The following DIAPH2 variants were observed in gnomAD, a reference collection of about 807,000 sequenced individuals.
The protein encoded by DIAPH2 is protein diaphanous homolog 2.
DIAPH2 carries 35 observed loss-of-function variants against 92.7 expected under a neutral mutation model. That is an observed-to-expected ratio of 0.38 (90% CI 0.29 to 0.50). The LOEUF is 0.50. Among genes scored for constraint, DIAPH2 ranks in the 20% least tolerant of loss-of-function variants. DIAPH2 has a pLI of 0.94. For synonymous variants in DIAPH2, 301 were observed against 280.4 expected (o/e 1.07, Z -0.73); for missense variants, 701 against 819.5 (o/e 0.86, Z 1.77).
intron 4 of DIAPH2, among the ~76,000 whole-genome samples, chrX:96,870,759 G>A (rs1302386142): frequency 9.0e-6 from 1 of 111,671 alleles, no homozygotes; most frequent in Non-Finnish European, 1.9e-5. Context: ...GAAGGCTAGC[G>A]TTTTGAAAAT....
At position 97,469,855 on chromosome X, in the gene DIAPH2, C is replaced by A; in HGVS notation, c.3241+40110C>A. 3 of 1,112,811 alleles carry A rather than the reference C, an allele frequency of 2.7e-6. No homozygotes were observed. In the Admixed American group the frequency reaches 8.9e-5, roughly 33 times the overall value. The allele number at this position is 1,112,811 out of a possible 1,213,427, so 91.7% of individuals were successfully genotyped here. On this transcript the variant is annotated intron_variant, in intron 26 of 26. Coordinates refer to ENST00000324765, the MANE Select transcript of DIAPH2 (RefSeq NM_006729.5). ...AACATGATATTCATTTTGTCTGGTG[C>A]TCTTTTCTTTCTGCCTAAGGCTTTC...
At chrX:96,993,652 G>A (rs2066086602) in intron 17 of DIAPH2, among the ~76,000 whole-genome samples, 1 of 111,455 alleles carries the variant, frequency 9.0e-6, no homozygotes, top group Non-Finnish European at 1.9e-5. Flanking sequence ...CCAACACTGG[G>A]GATTACAATT....
Position 96,830,520 on chromosome X carries a change from G to A in DIAPH2, c.448-51059G>A, listed in dbSNP as rs188874904. On this transcript the variant is annotated intron_variant, in intron 4 of 26. Coordinates refer to ENST00000324765, the MANE Select transcript of DIAPH2 (RefSeq NM_006729.5). ...CAGGAGGCGGAGCTTGCAGTGAGCC[G>A]AGATCACGCCACTGCACTCTAGCCT... is the stretch of plus-strand genomic sequence containing the variant. 5.8e-3 allele frequency among the ~76,000 whole-genome samples: 517 copies of A among 88,474 alleles called. 5 individuals are homozygous for A. Among genetic ancestry groups the A allele is most frequent in the African/African-American group, 0.021 (486 of 23,246 alleles). The allele number at this position is 88,474 out of a possible 115,157, so 76.8% of individuals were successfully genotyped here. A position where few individuals can be genotyped will look rare whatever the true frequency, so the allele number is the denominator to read the frequency against.
chrX:97,410,963 C>G (rs964207010), intron 25 of DIAPH2, among the ~76,000 whole-genome samples: 44 of 111,701 alleles, frequency 3.9e-4, no homozygotes, highest in African/African-American at 1.4e-3. Flanking sequence ...AGAATGGAAC[C>G]AAGTTGGAAA....
intron 26 of DIAPH2, among the ~76,000 whole-genome samples, chrX:97,440,628 G>A (rs1452087176): frequency 1.9e-5 from 2 of 107,735 alleles, no homozygotes; most frequent in Admixed American, 2.0e-4. Flanking sequence ...AAGAGAGAGT[G>A]TGAAGGTATT....
At chrX:96,877,201 G>A (rs1237444663) in intron 4 of DIAPH2, among the ~76,000 whole-genome samples, 1 of 111,254 alleles carries the variant, frequency 9.0e-6, no homozygotes, top group Admixed American at 9.6e-5. Flanking sequence ...AGGAACTGAT[G>A]GTGATGAAAA....
intron 23 of DIAPH2, among the ~76,000 whole-genome samples, chrX:97,308,815 G>C (rs1032057775): frequency 3.8e-5 from 4 of 105,291 alleles, no homozygotes; most frequent in African/African-American, 1.4e-4. Context: ...TAGAGACGGG[G>C]TTTCACCATG....
At position 97,582,869 on chromosome X, in the gene DIAPH2, G is replaced by A. The variant is rs1168718001; in HGVS notation, c.3242-16384G>A. ...CCCATATTTCTTGGAGGCTTTGCTC[G>A]TTTCTTTTTATTCTTTTTTCTCTAA... is the stretch of plus-strand genomic sequence containing the variant. On this transcript the variant is annotated intron_variant, in intron 26 of 26. Coordinates refer to ENST00000324765, the MANE Select transcript of DIAPH2 (RefSeq NM_006729.5). Among the ~76,000 whole-genome samples, 44 of 111,107 alleles carry A rather than the reference G, an allele frequency of 4.0e-4. No individual in the cohort carries two copies. The Middle Eastern group carries it at 0.014, about 35-fold the overall frequency.
intron 15 of DIAPH2, among the ~76,000 whole-genome samples, chrX:96,955,281 A>C (rs1314829884): frequency 9.0e-6 from 1 of 111,622 alleles, no homozygotes; most frequent in African/African-American, 3.3e-5. Flanking sequence ...AAACCATCAG[A>C]TCTTCGGAGA....
rs758066560 is a variant in DIAPH2 at position 97,535,078 on chromosome X, A to T, written c.3242-64175A>T. ...TCACAATCTAGAGGAGCCCAAAGAG[A>T]TGTGATAGCTACATGTGATGCTGTA... On this transcript the variant is annotated intron_variant, in intron 26 of 26. Coordinates refer to ENST00000324765, the MANE Select transcript of DIAPH2 (RefSeq NM_006729.5). Among the ~76,000 whole-genome samples, 9 of 112,098 alleles carry T rather than the reference A, an allele frequency of 8.0e-5. No homozygotes were observed. The East Asian group carries it at 2.0e-3, about 24-fold the overall frequency.
At chrX:97,212,849 T>C (rs2067852416) in intron 22 of DIAPH2, among the ~76,000 whole-genome samples, 2 of 111,772 alleles carry the variant, frequency 1.8e-5, no homozygotes, top group African/African-American at 6.5e-5. Flanking sequence ...AAAACCGTGC[T>C]TTTTGCATAC....
intron 17 of DIAPH2, among the ~76,000 whole-genome samples, chrX:97,023,209 T>C (rs2066309530): frequency 8.9e-6 from 1 of 112,268 alleles, no homozygotes; most frequent in African/African-American, 3.2e-5. Context: ...ATTTTCAGAC[T>C]TTAATTACTT....
At chrX:97,518,816 A>G (rs748036529) in intron 26 of DIAPH2, among the ~76,000 whole-genome samples, 1 of 111,123 alleles carries the variant, frequency 9.0e-6, no homozygotes, top group Non-Finnish European at 1.9e-5. Flanking sequence ...TAATAGCTGC[A>G]TACCTTCTAG....
intron 17 of DIAPH2, among the ~76,000 whole-genome samples, chrX:96,976,240 A>G (rs2065960937): frequency 9.2e-6 from 1 of 109,088 alleles, no homozygotes; most frequent in Non-Finnish European, 1.9e-5. Context: ...GTGAGCCAAG[A>G]TCACGCCGCT....
intron 23 of DIAPH2, among the ~76,000 whole-genome samples, chrX:97,260,772 T>C (rs921916566): frequency 8.9e-6 from 1 of 112,070 alleles, no homozygotes; most frequent in African/African-American, 3.2e-5. Context: ...CTGTGAACCT[T>C]GTGGGAGCTG....
At chrX:97,228,350 T>C (rs987996970) in intron 22 of DIAPH2, among the ~76,000 whole-genome samples, 2 of 111,914 alleles carry the variant, frequency 1.8e-5, no homozygotes, top group Non-Finnish European at 3.8e-5. Flanking sequence ...CCTAAAATCA[T>C]TGGGGTCATA....
intron 23 of DIAPH2, among the ~76,000 whole-genome samples, chrX:97,260,570 A>G (rs755273320): frequency 1.6e-4 from 18 of 112,229 alleles, no homozygotes; most frequent in Non-Finnish European, 3.2e-4. Context: ...GTCTTACTGG[A>G]TTTACAATCC....
intron 26 of DIAPH2, among the ~76,000 whole-genome samples, chrX:97,434,796 G>A (rs763356005): frequency 1.8e-5 from 2 of 111,944 alleles, no homozygotes; most frequent in Non-Finnish European, 3.8e-5. Flanking sequence ...TAAACTGAAA[G>A]TGATAGCAGA....
chrX:97,263,660 C>A (rs1182677844), intron 23 of DIAPH2, among the ~76,000 whole-genome samples: 1 of 109,035 alleles, frequency 9.2e-6, no homozygotes, highest in Non-Finnish European at 1.9e-5. Context: ...AATCTCAGCT[C>A]ACTGCAACCT....
Sources: allele counts gnomAD v4.1 joint callset (sites outside exome capture counted in the v4.1 genomes callset), GRCh38; gene constraint gnomAD v4.1.1; transcripts MANE v1.5; gene names NCBI Gene and HGNC (gene_info 2026-07-23, HGNC 2026-07-21).